Variants in MTUS2 observed in about 807,000 individuals in gnomAD.
MTUS2 encodes microtubule-associated tumor suppressor candidate 2.
A neutral mutation model predicts 114.1 loss-of-function variants in MTUS2; 40 were observed. That is an observed-to-expected ratio of 0.35 (90% CI 0.27 to 0.46). The LOEUF is 0.46. Among genes scored for constraint, MTUS2 ranks in the 20% least tolerant of loss-of-function variants. MTUS2 has a pLI of 1.00. For missense variants in MTUS2, 1,679 were observed against 1,705.4 expected, an observed-to-expected ratio of 0.98 and a Z score of 0.27; for synonymous variants, 688 against 672.0, an observed-to-expected ratio of 1.02 and a Z score of -0.37.
intron 6 of MTUS2, among the ~76,000 whole-genome samples, chr13:29,301,792 G>T (rs971527638): frequency 1.2e-4 from 18 of 152,128 alleles, no homozygotes; most frequent in Non-Finnish European, 2.2e-4. Context: ...CCATCAACTG[G>T]GTGGCTTATA....
At chr13:29,425,396 ACT>A (rs1876436701) in intron 8 of MTUS2, among the ~76,000 whole-genome samples, 1 of 152,028 alleles carries the variant, frequency 6.6e-6, no homozygotes, top group Non-Finnish European at 1.5e-5. Context: ...ACAGAGTGAG[ACT>A]CTGTCTCAAC....
At chr13:29,270,430 G>A (rs551859824) in intron 5 of MTUS2, among the ~76,000 whole-genome samples, 17 of 152,260 alleles carry the variant, frequency 1.1e-4, no homozygotes, top group Middle Eastern at 3.4e-3. Flanking sequence ...ACTTCTCAGA[G>A]CCAAGCGAGT....
At chr13:29,416,979 T>C (rs992792817) in intron 8 of MTUS2, among the ~76,000 whole-genome samples, 2 of 152,196 alleles carry the variant, frequency 1.3e-5, no homozygotes, top group Non-Finnish European at 2.9e-5. Context: ...TCTTATATTA[T>C]AGTTTTAAGC....
chr13:29,044,875 T>C lies in MTUS2; in HGVS notation c.2446+10750T>C, dbSNP rs1887543674. Among the ~76,000 whole-genome samples, 2 of 152,192 alleles carry C rather than the reference T, an allele frequency of 1.3e-5. 1 individual carries two copies. The highest frequency in any genetic ancestry group is 4.1e-4 in the South Asian group (2 of 4,824). ...TTGCTTTTAAAGTCATTTAGGTTGTTGGTAGAGTCTATCTCATGTGCTTGT... is the reference window on the plus strand; with the variant it reads ...TTGCTTTTAAAGTCATTTAGGTTGTCGGTAGAGTCTATCTCATGTGCTTGT... On this transcript the variant is annotated intron_variant, in intron 4 of 15. Transcript: ENST00000612955.
intron 8 of MTUS2, among the ~76,000 whole-genome samples, chr13:29,405,743 C>T (rs1197321308): frequency 2.1e-5 from 3 of 141,932 alleles, no homozygotes; most frequent in Non-Finnish European, 3.0e-5. Context: ...TAATTAACTA[C>T]TTTTTTTTTT....
At chr13:29,461,450 C>T (rs1307761811) in intron 9 of MTUS2, among the ~76,000 whole-genome samples, 2 of 152,116 alleles carry the variant, frequency 1.3e-5, no homozygotes, top group East Asian at 3.9e-4. Flanking sequence ...TCACTCCATC[C>T]CAGGAAGCAA....
intron 5 of MTUS2, among the ~76,000 whole-genome samples, chr13:29,206,210 G>A (rs1293910266): frequency 6.6e-6 from 1 of 152,048 alleles, no homozygotes; most frequent in Admixed American, 6.6e-5. Flanking sequence ...TTATATTTGA[G>A]AATTGAGAAT....
At chr13:28,953,523 A>AT (rs1429306143) in intron 2 of MTUS2, among the ~76,000 whole-genome samples, 4 of 152,214 alleles carry the variant, frequency 2.6e-5, no homozygotes, top group African/African-American at 9.6e-5. Flanking sequence ...AGCTCTATTG[A>AT]TATCAGCATT....
At chr13:28,952,302 T>C (rs1882849651) in intron 2 of MTUS2, among the ~76,000 whole-genome samples, 1 of 152,222 alleles carries the variant, frequency 6.6e-6, no homozygotes, top group Non-Finnish European at 1.5e-5. Flanking sequence ...ACATTCTTGC[T>C]CCATCAAATA....
At chr13:28,938,379 C>CAAA (rs200546939) in intron 2 of MTUS2, among the ~76,000 whole-genome samples, 1 of 105,588 alleles carries the variant, frequency 9.5e-6, no homozygotes. Flanking sequence ...GACTCTGTCT[C>CAAA]AAAAAAAAAA....
intron 8 of MTUS2, among the ~76,000 whole-genome samples, chr13:29,365,385 A>G (rs1870616373): frequency 1.3e-5 from 2 of 152,184 alleles, no homozygotes; most frequent in Admixed American, 1.3e-4. Context: ...TCTATTGATG[A>G]TAATATACAT....
intron 5 of MTUS2, among the ~76,000 whole-genome samples, chr13:29,119,860 TA>T (rs1276507413): frequency 6.6e-6 from 1 of 152,178 alleles, no homozygotes; most frequent in African/African-American, 2.4e-5. Context: ...TTTAATCAGC[TA>T]GCTGGGCATT....
chr13:29,228,751 G>A (rs982883935), intron 5 of MTUS2, among the ~76,000 whole-genome samples: 1 of 132,826 alleles, frequency 7.5e-6, no homozygotes, highest in African/African-American at 2.8e-5. Flanking sequence ...GAAAGGAGAA[G>A]GGGGGGAAGA....
At chr13:29,309,919 C>A (rs987069616) in intron 6 of MTUS2, among the ~76,000 whole-genome samples, 5 of 152,096 alleles carry the variant, frequency 3.3e-5, no homozygotes. Flanking sequence ...ATGTTACAAA[C>A]AATTCAGTTA....
chr13:29,060,309 G>A (rs1349796054), intron 4 of MTUS2, among the ~76,000 whole-genome samples: 3 of 152,042 alleles, frequency 2.0e-5, no homozygotes, highest in Non-Finnish European at 4.4e-5. Context: ...GGTGGGGCGG[G>A]GTGTCAAGGG....
chr13:29,232,322 A>G (rs9888521), intron 5 of MTUS2, among the ~76,000 whole-genome samples: 8 of 128,190 alleles, frequency 6.2e-5, no homozygotes, highest in Non-Finnish European at 1.2e-4. Context: ...ACACACACAC[A>G]CGCACACATA....
intron 9 of MTUS2, among the ~76,000 whole-genome samples, chr13:29,443,270 C>T (rs549647326): frequency 4.6e-5 from 7 of 152,324 alleles, no homozygotes; most frequent in African/African-American, 1.7e-4. Flanking sequence ...GGGTGAATTT[C>T]TCCCTAGAGA....
chr13:29,378,032 G>A (rs1046521947), intron 8 of MTUS2, among the ~76,000 whole-genome samples: 2 of 152,156 alleles, frequency 1.3e-5, no homozygotes, highest in Non-Finnish European at 2.9e-5. Flanking sequence ...GTTACGCACT[G>A]TCTGGTTTCA....
At chr13:29,469,297 ACT>A (rs1880100848) in intron 9 of MTUS2, among the ~76,000 whole-genome samples, 1 of 152,040 alleles carries the variant, frequency 6.6e-6, no homozygotes. Context: ...TTATCGGGAA[ACT>A]CTGACCTGCA....
Sources: gnomAD v4.1 joint callset for allele counts (sites outside exome capture counted in the v4.1 genomes callset) on GRCh38, gnomAD v4.1.1 for gene constraint, MANE v1.5 for transcripts, NCBI Gene and HGNC (gene_info 2026-07-23, HGNC 2026-07-21) for gene names.